The following PATJ variants were observed in gnomAD, a reference collection of about 807,000 sequenced individuals.
PATJ encodes the protein PATJ crumbs cell polarity complex component, also known as inaD-like protein.
PATJ carries 190 observed loss-of-function variants against 224.9 expected under a neutral mutation model. The ratio of observed to expected loss-of-function variants is 0.84; its 90% CI spans 0.75 to 0.95. The LOEUF (loss-of-function observed/expected upper bound fraction) is 0.95. Ranked by LOEUF, PATJ falls within the 40% of genes least tolerant of loss-of-function variation. The probability of loss-of-function intolerance (pLI) is 0.00; values close to 1 mark genes in which losing one functional copy is unlikely to be tolerated. For synonymous variants in PATJ, 769 were observed against 820.3 expected (o/e 0.94, Z 1.07); for missense variants, 2,121 against 2,270.3 (o/e 0.93, Z 1.34).
At position 61,990,262 on chromosome 1, in the gene PATJ, T is replaced by A. The variant is rs1278998963; in HGVS notation, c.3765T>A (p.Gly1255=). Reference sequence around the variant, plus strand: ...ATGGACTTGGACTCAGCCTTGCTGGTAATAAAGACCGATCACGCATGAGCA... The same window carrying A: ...ATGGACTTGGACTCAGCCTTGCTGGAAATAAAGACCGATCACGCATGAGCA... ...DKNGLGLSLA[G]NKDRSRMSIF... The change falls in exon 28 of 44, where the codon GGT becomes GGA. Residue 1255 remains glycine, a synonymous_variant. Transcript: ENST00000642238. 6.2e-7 allele frequency: 1 copy of A among 1,614,036 alleles called. No individual in the cohort carries two copies. The highest frequency in any genetic ancestry group is 1.7e-5 in the Admixed American group (1 of 60,014).
chr1:61,859,708 C>T (rs1290873564), intron 18 of PATJ, among the ~76,000 whole-genome samples: 2 of 152,164 alleles, frequency 1.3e-5, no homozygotes, highest in African/African-American at 2.4e-5. Flanking sequence ...CAACCTCCGC[C>T]TCCTGGGTTC....
At position 62,145,537 on chromosome 1, in the gene PATJ, G is replaced by A. The variant is rs184757364; in HGVS notation, c.5272-2747G>A. Among the ~76,000 whole-genome samples the A allele has an allele frequency of 2.9e-3, 442 of 152,186 alleles. 1 individual carries two copies. The highest frequency in any genetic ancestry group is 0.01 in the African/African-American group (417 of 41,528). On this transcript the variant is annotated intron_variant, in intron 41 of 43. Coordinates refer to ENST00000642238, the MANE Select transcript of PATJ (RefSeq NM_001350145.3). The stretch of plus-strand genomic sequence containing the variant: ...TTAGCTGGGCATGGTGGTGCATGCC[G>A]GTAGTCCCAGCTACTTGGAGGATGA...
At chr1:62,145,451 C>T (rs1667946909) in intron 41 of PATJ, among the ~76,000 whole-genome samples, 3 of 152,054 alleles carry the variant, frequency 2.0e-5, no homozygotes, top group African/African-American at 2.4e-5. Flanking sequence ...TACTTGAGCC[C>T]AGGAGTTTAA....
At chr1:62,073,245 A>G (rs1484571216) in intron 31 of PATJ, 4 of 985,212 alleles carry the variant, frequency 4.1e-6, no homozygotes, top group East Asian at 2.3e-4. Context: ...AAATCAAGCC[A>G]CAACTGTATC....
At chr1:61,974,227 T>C (rs1296916454) in intron 27 of PATJ, among the ~76,000 whole-genome samples, 3 of 151,912 alleles carry the variant, frequency 2.0e-5, no homozygotes, top group Non-Finnish European at 4.4e-5. Flanking sequence ...TGGGCGCCTA[T>C]GTGACCACCA....
intron 20 of PATJ, among the ~76,000 whole-genome samples, chr1:61,866,093 G>A (rs556486508): frequency 2.0e-5 from 3 of 152,168 alleles, no homozygotes; most frequent in Admixed American, 1.3e-4. Flanking sequence ...GGTGTGCTCC[G>A]TTGACGTTGG....
chr1:61,909,533 C>T (rs1288317975), intron 25 of PATJ, among the ~76,000 whole-genome samples: 1 of 152,102 alleles, frequency 6.6e-6, no homozygotes, highest in African/African-American at 2.4e-5. Context: ...AGTGCAGTGG[C>T]ATGATCATAG....
chr1:62,098,271 A>G (rs1285631033), intron 33 of PATJ, among the ~76,000 whole-genome samples: 1 of 151,206 alleles, frequency 6.6e-6, no homozygotes, highest in Non-Finnish European at 1.5e-5. Context: ...AGGCAGGAGA[A>G]TGGCGTGAAC....
chr1:62,148,139 A>AG (rs1668253516), intron 41 of PATJ, 145 bp from the exon 42 acceptor site: 1 of 507,614 alleles, frequency 2.0e-6, no homozygotes, highest in Admixed American at 3.3e-5. Flanking sequence ...AAAAAAAAAA[A>AG]AAGTTTGAGA....
intron 31 of PATJ, among the ~76,000 whole-genome samples, chr1:62,054,793 A>G (rs1027763721): frequency 2.0e-5 from 3 of 152,188 alleles, no homozygotes; most frequent in Non-Finnish European, 4.4e-5. Flanking sequence ...ACGGTGATTC[A>G]TGCCTATAAT....
Position 62,156,054 on chromosome 1 carries a change from TAAAAAAA to T in PATJ, c.5502+2593_5502+2599del, listed in dbSNP as rs34300724. On this transcript the variant is annotated intron_variant, in intron 43 of 43. Coordinates refer to ENST00000642238, the MANE Select transcript of PATJ (RefSeq NM_001350145.3). ...GCCTGGGTGACAGAGCAAGACTCTGTAAAAAAAAAAAAAAAAAAAAAAAAAAGAATAT... is the reference window on the plus strand; with the variant it reads ...GCCTGGGTGACAGAGCAAGACTCTGTAAAAAAAAAAAAAAAAAAAGAATAT... 7.5e-3 allele frequency among the ~76,000 whole-genome samples: 324 copies of T among 43,068 alleles called. 3 individuals carry two copies. Among genetic ancestry groups the T allele is most frequent in the African/African-American group, 0.029 (302 of 10,394 alleles). 28.3% of individuals were successfully genotyped at this position (43,068 alleles called of 152,430 possible). A position where few individuals can be genotyped will look rare whatever the true frequency, so the allele number is the denominator to read the frequency against.
intron 17 of PATJ, chr1:61,852,550 C>T (rs1449582029): frequency 8.0e-6 from 1 of 124,332 alleles, no homozygotes; most frequent in African/African-American, 3.1e-5. Flanking sequence ...CAGAGATCAG[C>T]ACGACCCTTG....
intron 27 of PATJ, among the ~76,000 whole-genome samples, chr1:61,984,927 G>A (rs1644663158): frequency 6.6e-6 from 1 of 152,014 alleles, no homozygotes; most frequent in Admixed American, 6.5e-5. Flanking sequence ...TGTATCACAA[G>A]CCTGGCATGA....
At chr1:61,943,808 G>A (rs931908631) in intron 27 of PATJ, among the ~76,000 whole-genome samples, 2 of 152,152 alleles carry the variant, frequency 1.3e-5, no homozygotes, top group African/African-American at 4.8e-5. Context: ...CCTGACCCCC[G>A]AGTAGCCTAA....
intron 16 of PATJ, among the ~76,000 whole-genome samples, chr1:61,831,800 A>G (rs1570768128): frequency 2.0e-5 from 3 of 152,218 alleles, no homozygotes; most frequent in African/African-American, 4.8e-5. Flanking sequence ...AAACAGAACT[A>G]CCATTCAACC....
At position 62,161,077 on chromosome 1, in the gene PATJ, A is replaced by G; in HGVS notation, c.*23A>G. ...TGAGCCTCGGGCCTGATCACAAGAT[A>G]GATGTTGTTGTTTAGAATATCCACA... On this transcript the variant is annotated 3_prime_UTR_variant, in exon 44 of 44. Coordinates refer to ENST00000642238, the MANE Select transcript of PATJ (RefSeq NM_001350145.3). 2 of 1,413,402 alleles carry G rather than the reference A, an allele frequency of 1.4e-6. No homozygotes were observed. Among genetic ancestry groups the G allele is most frequent in the Non-Finnish European group, 1.8e-6 (2 of 1,081,796 alleles). 87.6% of individuals were successfully genotyped at this position (1,413,402 alleles called of 1,614,324 possible).
At chr1:61,824,616 G>A (rs1485457029) in intron 15 of PATJ, among the ~76,000 whole-genome samples, 1 of 151,676 alleles carries the variant, frequency 6.6e-6, no homozygotes, top group African/African-American at 2.4e-5. Context: ...GCAGAGACAG[G>A]GTCTTGCTAT....
chr1:61,766,577 G>T (rs1320966154), intron 4 of PATJ, 104 bp downstream of exon 4: 4 of 730,124 alleles, frequency 5.5e-6, no homozygotes, highest in Non-Finnish European at 8.5e-6. Context: ...GTATTAGTAT[G>T]TATTTTGCTT....
chr1:61,855,163 G>A (rs1663450453), intron 17 of PATJ, among the ~76,000 whole-genome samples: 1 of 152,022 alleles, frequency 6.6e-6, no homozygotes, highest in African/African-American at 2.4e-5. Flanking sequence ...GCTTTTCTTG[G>A]AGCTTACTTA....
Sources: allele counts gnomAD v4.1 joint callset (sites outside exome capture counted in the v4.1 genomes callset), GRCh38; gene constraint gnomAD v4.1.1; transcripts MANE v1.5; gene names NCBI Gene and HGNC (gene_info 2026-07-23, HGNC 2026-07-21).